Variants in SIPA1L2 observed in about 807,000 individuals in gnomAD.
SIPA1L2 encodes signal-induced proliferation-associated 1-like protein 2.
In SIPA1L2, 56 loss-of-function variants were observed where a neutral mutation model predicts 163.9. That is an observed-to-expected ratio of 0.34 (90% CI 0.28 to 0.43). The LOEUF (loss-of-function observed/expected upper bound fraction) is 0.43. Among genes scored for constraint, SIPA1L2 ranks in the 20% least tolerant of loss-of-function variants. The pLI, the probability that SIPA1L2 is intolerant of heterozygous loss-of-function variation, is 1.00. For missense variants in SIPA1L2, 1,974 were observed against 2,193.5 expected (o/e 0.90, Z 2.00); for synonymous variants, 877 against 865.7 (o/e 1.01, Z -0.23).
At chr1:232,405,079 T>C (rs80218905) in intron 19 of SIPA1L2, among the ~76,000 whole-genome samples, 3,714 of 152,296 alleles carry the variant, frequency 0.024, 161 homozygotes, top group African/African-American at 0.085. Flanking sequence ...GTTTGCTTTA[T>C]GGCAGGTCAT....
intron 10 of SIPA1L2, among the ~76,000 whole-genome samples, chr1:232,448,569 T>A (rs79676270): frequency 2.6e-5 from 4 of 152,294 alleles, no homozygotes; most frequent in Non-Finnish European, 4.4e-5. Flanking sequence ...AATTTGGAGA[T>A]CCCTGAAACT....
intron 2 of SIPA1L2, among the ~76,000 whole-genome samples, chr1:232,527,466 G>A (rs56347454): frequency 0.017 from 2,573 of 152,230 alleles, 78 homozygotes; most frequent in African/African-American, 0.059. Flanking sequence ...GGCACTGAGG[G>A]GAAGACTCTT....
chr1:232,453,685 G>C (rs147238342), intron 10 of SIPA1L2, among the ~76,000 whole-genome samples: 90 of 151,904 alleles, frequency 5.9e-4, no homozygotes, highest in Admixed American at 1.6e-3. Flanking sequence ...TCAGAGATAG[G>C]GTTCACAATG....
At chr1:232,554,676 T>C (rs980046604) in intron 2 of SIPA1L2, among the ~76,000 whole-genome samples, 10 of 152,240 alleles carry the variant, frequency 6.6e-5, no homozygotes, top group Non-Finnish European at 1.3e-4. Flanking sequence ...GCTGATGTTT[T>C]CTTTCTAGAA....
intron 1 of SIPA1L2, among the ~76,000 whole-genome samples, chr1:232,624,540 T>C (rs1573192815): frequency 6.6e-6 from 1 of 152,350 alleles, no homozygotes; most frequent in East Asian, 1.9e-4. Flanking sequence ...TAATCTTTTA[T>C]TCACCCAGGA....
At chr1:232,486,914 C>T (rs1367137195) in intron 5 of SIPA1L2, among the ~76,000 whole-genome samples, 3 of 152,248 alleles carry the variant, frequency 2.0e-5, no homozygotes, top group African/African-American at 7.2e-5. Context: ...ATACACTTAA[C>T]ATTCCTCATT....
chr1:232,572,270 A>C (rs113060217), intron 2 of SIPA1L2, among the ~76,000 whole-genome samples: 11 of 152,212 alleles, frequency 7.2e-5, no homozygotes, highest in African/African-American at 2.7e-4. Flanking sequence ...ATTCGGAGGA[A>C]ACCAAGGAAC....
In SIPA1L2 at chr1:232,605,447, A is replaced by T. The variant is rs373038450; in HGVS notation, c.-319+24422T>A. Among the ~76,000 whole-genome samples, 79 of 152,278 alleles carry T rather than the reference A, an allele frequency of 5.2e-4. 1 individual carries two copies. Among genetic ancestry groups the T allele is most frequent in the African/African-American group, 7.2e-4 (30 of 41,558 alleles). Reference sequence around the variant, plus strand: ...TGGTGGCTCACGCCTGTAATTCCAGAACTTTGGGAGGCCGAAACGGATGGA... The same window carrying T: ...TGGTGGCTCACGCCTGTAATTCCAGTACTTTGGGAGGCCGAAACGGATGGA... On this transcript the variant is annotated intron_variant, in intron 1 of 22. Transcript: ENST00000674635.
Position 232,399,022 on chromosome 1 carries a change from A to G in SIPA1L2, c.*105T>C. On this transcript the variant is annotated 3_prime_UTR_variant, in exon 23 of 23. Transcript: ENST00000674635. ...ATGGTGCTACACAGAATGGAACAGC[A>G]AAAACATCTACGATTGGTTGAAAGC... 1 of 1,508,568 alleles carries G rather than the reference A, an allele frequency of 6.6e-7. No individual in the cohort carries two copies. Among genetic ancestry groups the G allele is most frequent in the African/African-American group, 1.4e-5 (1 of 73,258 alleles). 93.4% of individuals were successfully genotyped at this position (1,508,568 alleles called of 1,614,324 possible).
At chr1:232,404,505 G>A (rs1298993998) in intron 19 of SIPA1L2, among the ~76,000 whole-genome samples, 1 of 152,170 alleles carries the variant, frequency 6.6e-6, no homozygotes, top group Non-Finnish European at 1.5e-5. Flanking sequence ...AGAGAGATTA[G>A]CTAAGTAATC....
intron 14 of SIPA1L2, among the ~76,000 whole-genome samples, chr1:232,439,835 T>C (rs551299051): frequency 6.6e-6 from 1 of 152,252 alleles, no homozygotes; most frequent in East Asian, 1.9e-4. Flanking sequence ...GAAATTAATA[T>C]AAGGAAGAGA....
At chr1:232,438,819 A>G (rs1039429210) in intron 15 of SIPA1L2, among the ~76,000 whole-genome samples, 1 of 152,178 alleles carries the variant, frequency 6.6e-6, no homozygotes, top group Non-Finnish European at 1.5e-5. Context: ...AGGTTGAATT[A>G]GGAGAGAGAC....
At position 232,398,950 on chromosome 1, in the gene SIPA1L2, C is replaced by T. The variant is rs1660170848; in HGVS notation, c.*177G>A. The T allele has an allele frequency of 2.7e-6, 2 of 752,250 alleles. No homozygotes were observed. The highest frequency in any genetic ancestry group is 2.8e-5 in the Admixed American group (1 of 35,686). The allele number at this position is 752,250 out of a possible 1,614,324, so 46.6% of individuals were successfully genotyped here. A position where few individuals can be genotyped will look rare whatever the true frequency, so the allele number is the denominator to read the frequency against. The stretch of plus-strand genomic sequence containing the variant: ...ATCTTCACATCGGCGCTGCTCTCTG[C>T]CGTGGTTACCGAGAAAGAGTCGAGG... On this transcript the variant is annotated 3_prime_UTR_variant, in exon 23 of 23. Coordinates refer to ENST00000674635, the MANE Select transcript of SIPA1L2 (RefSeq NM_020808.5).
chr1:232,478,103 T>C (rs1343130748), intron 7 of SIPA1L2, among the ~76,000 whole-genome samples: 1 of 152,240 alleles, frequency 6.6e-6, no homozygotes, highest in Non-Finnish European at 1.5e-5. Context: ...CCAGTGAATC[T>C]GCTCGGCATT....
intron 6 of SIPA1L2, among the ~76,000 whole-genome samples, chr1:232,481,552 T>C (rs1665359903): frequency 6.6e-6 from 1 of 152,192 alleles, no homozygotes; most frequent in South Asian, 2.1e-4. Context: ...AAATTAAATA[T>C]TCTGAAAGTT....
intron 1 of SIPA1L2, among the ~76,000 whole-genome samples, chr1:232,620,070 A>G (rs930014027): frequency 1.3e-5 from 2 of 152,028 alleles, no homozygotes; most frequent in African/African-American, 4.8e-5. Flanking sequence ...TTTTTAGTAG[A>G]GACGGGGTTT....
chr1:232,415,551 C>A lies in SIPA1L2; in HGVS notation c.4705G>T (p.Asp1569Tyr), dbSNP rs1292252503. The A allele has an allele frequency of 2.5e-6, 4 of 1,613,890 alleles. No homozygotes were observed. Among genetic ancestry groups the A allele is most frequent in the Non-Finnish European group, 2.5e-6 (3 of 1,179,888 alleles). ...GTCCAATCTAACCCTGTGGCTGTGTCCGGGAGGGGCATCAGGCCAGGATCT... is the reference window on the plus strand; with the variant it reads ...GTCCAATCTAACCCTGTGGCTGTGTACGGGAGGGGCATCAGGCCAGGATCT... Reference protein sequence around the residue: ...CADPGLMPLPDTATGLDWTHL... With the variant: ...CADPGLMPLPYTATGLDWTHL... Residue 1569 changes from aspartate to tyrosine, a missense_variant, in exon 19 of 23, where the codon GAC becomes TAC. By Grantham distance (160) the Asp-to-Tyr change is radical. Transcript: ENST00000674635.
intron 19 of SIPA1L2, among the ~76,000 whole-genome samples, chr1:232,412,667 A>G (rs905121423): frequency 6.6e-6 from 1 of 152,238 alleles, no homozygotes; most frequent in Non-Finnish European, 1.5e-5. Flanking sequence ...ACCTGAGGCA[A>G]CACTGATACA....
intron 1 of SIPA1L2, among the ~76,000 whole-genome samples, chr1:232,620,602 CCAGACGCACAGCGACAGCAGCCAT>C (rs1216590060): frequency 2.6e-5 from 4 of 152,192 alleles, no homozygotes; most frequent in Non-Finnish European, 5.9e-5. Flanking sequence ...CTTCACATAA[CCAGACGCACAGCGACAGCAGCCAT>C]CAGACATCAC....
Sources: allele counts gnomAD v4.1 joint callset (sites outside exome capture counted in the v4.1 genomes callset), GRCh38; gene constraint gnomAD v4.1.1; transcripts MANE v1.5; gene names NCBI Gene and HGNC (gene_info 2026-07-23, HGNC 2026-07-21).